The following ADAMTS5 variants were observed in gnomAD, a reference collection of about 807,000 sequenced individuals.
The protein encoded by ADAMTS5 is ADAM metallopeptidase with thrombospondin type 1 motif 5, also known as A disintegrin and metalloproteinase with thrombospondin motifs 5.
In ADAMTS5, 54 loss-of-function variants were observed where a neutral mutation model predicts 81.4. That is an observed-to-expected ratio of 0.66 (90% confidence interval 0.53 to 0.83). The LOEUF (loss-of-function observed/expected upper bound fraction) is 0.83. Ranked by LOEUF, ADAMTS5 falls within the 40% of genes least tolerant of loss-of-function variation. The pLI, the probability that ADAMTS5 is intolerant of heterozygous loss-of-function variation, is 0.00. For synonymous variants in ADAMTS5, 532 were observed against 508.8 expected, an observed-to-expected ratio of 1.05 and a Z score of -0.61; for missense variants, 1,194 against 1,229.9, an observed-to-expected ratio of 0.97 and a Z score of 0.44.
In ADAMTS5 at chr21:26,943,430, C is replaced by CAGGG; in HGVS notation, c.1351_1354dup (p.Trp452SerfsTer16). 1 of 1,613,554 alleles carries CAGGG rather than the reference C, an allele frequency of 6.2e-7. No individual in the cohort carries two copies. Among genetic ancestry groups the CAGGG allele is most frequent in the Non-Finnish European group, 8.5e-7 (1 of 1,179,720 alleles). On this transcript the variant is annotated frameshift_variant, in exon 3 of 8. Transcript: ENST00000284987. LOFTEE classifies it high-confidence loss of function. ...GATGGTGGCTGAAGTGCATTTGGAC[C>CAGGG]AGGGCTTAGATGCATCAATGCTGGT...
At chr21:26,962,554 A>C (rs1987549142) in intron 1 of ADAMTS5, among the ~76,000 whole-genome samples, 1 of 152,244 alleles carries the variant, frequency 6.6e-6, no homozygotes, top group South Asian at 2.1e-4. Flanking sequence ...TCAGCTAGTA[A>C]ACAGAGGTAG....
intron 3 of ADAMTS5, among the ~76,000 whole-genome samples, chr21:26,940,114 A>C (rs1987085643): frequency 6.6e-6 from 1 of 152,222 alleles, no homozygotes; most frequent in Admixed American, 6.5e-5. Flanking sequence ...CTTATGGCTA[A>C]TAATTTTAAA....
rs1987641760 is a variant in ADAMTS5 at position 26,965,826 on chromosome 21, A to G, written c.566T>C (p.Ile189Thr). The stretch of plus-strand genomic sequence containing the variant: ...GCCCTCGCGGGTGTAGACGTGCAGG[A>G]TCCGTGCGGACCCATCCCCGTACAC... ...GRVYGDGSAR[I>T]LHVYTREGFS... Residue 189 changes from isoleucine (I) to threonine (T), a missense_variant, in exon 1 of 8, where the codon ATC becomes ACC. Ile to Thr is a moderately conservative substitution (Grantham distance 89). Around this residue, in one of 2 missense-constraint regions of ADAMTS5, gnomAD observed 498 missense variants for 412.3 expected, o/e 1.21. Coordinates refer to ENST00000284987, the MANE Select transcript of ADAMTS5 (RefSeq NM_007038.5). The G allele has an allele frequency of 1.2e-6, 2 of 1,610,812 alleles. No homozygotes were observed. Among genetic ancestry groups the G allele is most frequent in the African/African-American group, 2.7e-5 (2 of 74,876 alleles).
chr21:26,956,442 C>A (rs1218010868), intron 1 of ADAMTS5, among the ~76,000 whole-genome samples: 1 of 152,156 alleles, frequency 6.6e-6, no homozygotes. Context: ...CCCATGTCAT[C>A]CCATGGGATG....
At chr21:26,943,608 G>T in intron 2 of ADAMTS5, 61 bp from the exon 3 acceptor site, 1 of 1,499,786 alleles carries the variant, frequency 6.7e-7, no homozygotes, top group South Asian at 1.3e-5. Context: ...ATCTTTCCAT[G>T]ACAATTATGC....
chr21:26,932,946 G>A lies in ADAMTS5; in HGVS notation c.1788C>T (p.Asn596=). The change falls in exon 5 of 8, where the codon AAC becomes AAT. Residue 596 remains asparagine (N), a synonymous_variant. Coordinates refer to ENST00000284987, the MANE Select transcript of ADAMTS5 (RefSeq NM_007038.5). ...AGCGTCCGTTGTTTCTGGGAGCAGG[G>A]TTATTACAGTGACGATAGGCAAACT... ...GVQFAYRHCN[N]PAPRNNGRYC... The A allele has an allele frequency of 1.2e-6, 2 of 1,614,074 alleles. No homozygotes were observed. Among genetic ancestry groups the A allele is most frequent in the South Asian group, 1.1e-5 (1 of 91,064 alleles).
rs1987634797 is a variant in ADAMTS5 at position 26,965,684 on chromosome 21, C to A, written c.708G>T (p.Ser236=). The A allele has an allele frequency of 6.3e-7, 1 of 1,584,670 alleles. No homozygotes were observed. The highest frequency in any genetic ancestry group is 8.6e-7 in the Non-Finnish European group (1 of 1,167,972). The change falls in exon 1 of 8, where the codon TCG becomes TCT. Residue 236 remains serine, a synonymous_variant. Transcript: ENST00000284987. Reference sequence around the variant, plus strand: ...AGAGAGCGGACTGGTCCAAGAGCTGCGAGGCCAGTGCTGCGCGTCCGCTCG... The same window carrying A: ...AGAGAGCGGACTGGTCCAAGAGCTGAGAGGCCAGTGCTGCGCGTCCGCTCG... ...SNPSGRAALA[S]QLLDQSALSP... is the part of the protein sequence containing the mutation.
intron 1 of ADAMTS5, among the ~76,000 whole-genome samples, chr21:26,955,979 C>T (rs1987419039): frequency 6.6e-6 from 1 of 152,092 alleles, no homozygotes; most frequent in African/African-American, 2.4e-5. Context: ...GTATGCCCAA[C>T]TTCCATATTC....
rs141666253 is a variant in ADAMTS5, at chr21:26,946,580, G to T, written c.1238-3033C>A. 1.8e-4 allele frequency among the ~76,000 whole-genome samples: 27 copies of T among 152,274 alleles called. No individual in the cohort carries two copies. The East Asian group carries it at 5.0e-3, about 28-fold the overall frequency. ...ATTCACAGAGATGTTTAAAATGAAT[G>T]GTGTGGTTTGGAGATTAAGCATTTC... On this transcript the variant is annotated intron_variant, in intron 2 of 7. Coordinates refer to ENST00000284987, the MANE Select transcript of ADAMTS5 (RefSeq NM_007038.5).
chr21:26,923,489 T>G lies in ADAMTS5; in HGVS notation c.*564A>C, dbSNP rs1568836366. The G allele has an allele frequency of 6.5e-6, 1 of 152,740 alleles. No homozygotes were observed. The highest frequency in any genetic ancestry group is 6.5e-5 in the Admixed American group (1 of 15,280). 9.5% of individuals were successfully genotyped at this position (152,740 alleles called of 1,614,324 possible). On this transcript the variant is annotated 3_prime_UTR_variant, in exon 8 of 8. Coordinates refer to ENST00000284987, the MANE Select transcript of ADAMTS5 (RefSeq NM_007038.5). ...AGTCAGAAAATATACTACATCTTAT[T>G]AAAACAGCAGCAAGTTCTTAATTTC...
rs114045133 is a variant in ADAMTS5 at position 26,959,624 on chromosome 21, G to A, written c.1105-4753C>T. On this transcript the variant is annotated intron_variant, in intron 1 of 7. Coordinates refer to ENST00000284987, the MANE Select transcript of ADAMTS5 (RefSeq NM_007038.5). ...AATATCCTGGTTTTCTCTCTATGCTGTGTTGGAAAAACTAGATAATTTAGA... is the reference window on the plus strand; with the variant it reads ...AATATCCTGGTTTTCTCTCTATGCTATGTTGGAAAAACTAGATAATTTAGA... 3.2e-3 allele frequency among the ~76,000 whole-genome samples: 485 copies of A among 152,198 alleles called. 2 individuals carry two copies. Among genetic ancestry groups the A allele is most frequent in the African/African-American group, 0.01 (425 of 41,516 alleles).
intron 2 of ADAMTS5, among the ~76,000 whole-genome samples, chr21:26,949,828 GT>G (rs1987285340): frequency 6.6e-6 from 1 of 152,192 alleles, no homozygotes; most frequent in African/African-American, 2.4e-5. Context: ...AAAATATCAA[GT>G]TTAATCCTAG....
intron 2 of ADAMTS5, among the ~76,000 whole-genome samples, chr21:26,949,136 G>GATATATAT (rs35477486): frequency 1.4e-4 from 20 of 145,212 alleles, no homozygotes; most frequent in African/African-American, 2.5e-4. Flanking sequence ...AGTAATCAGT[G>GATATATAT]ATATATATAT....
chr21:26,962,034 A>T (rs1947399130), intron 1 of ADAMTS5, among the ~76,000 whole-genome samples: 1 of 152,220 alleles, frequency 6.6e-6, no homozygotes, highest in African/African-American at 2.4e-5. Flanking sequence ...ATAGTTAATG[A>T]AAGGGAATTA....
intron 3 of ADAMTS5, among the ~76,000 whole-genome samples, chr21:26,936,308 C>T (rs1018740308): frequency 6.6e-6 from 1 of 152,164 alleles, no homozygotes; most frequent in Admixed American, 6.5e-5. Context: ...CTGCATAATG[C>T]TTCTCTTCTC....
At chr21:26,953,801 A>G (rs1012996430) in intron 2 of ADAMTS5, among the ~76,000 whole-genome samples, 2 of 152,088 alleles carry the variant, frequency 1.3e-5, no homozygotes, top group Non-Finnish European at 2.9e-5. Context: ...GATATAAATA[A>G]CATCTACTAT....
Position 26,924,312 on chromosome 21 carries a change from A to T in ADAMTS5, c.2534T>A (p.Val845Asp). The part of the protein sequence containing the change: ...LATDPTKPLD[V>D]RYSFFVPKKS... ...CTTGGGAACAAAAAAGCTATAACGGACATCTAATGGTTTAGTGGGGTCTGT... is the reference window on the plus strand; with the variant it reads ...CTTGGGAACAAAAAAGCTATAACGGTCATCTAATGGTTTAGTGGGGTCTGT... Residue 845 changes from valine (V) to aspartate (D), a missense_variant, in exon 8 of 8, where the codon GTC (valine) becomes GAC (aspartate). By Grantham distance (152) the Val-to-Asp change is radical. This residue lies in a region of ADAMTS5 where 696 missense variants were observed against 817.6 expected (regional missense o/e 0.85). Transcript: ENST00000284987. The T allele has an allele frequency of 1.2e-6, 2 of 1,614,254 alleles. No homozygotes were observed. Among genetic ancestry groups the T allele is most frequent in the Non-Finnish European group, 1.7e-6 (2 of 1,180,050 alleles).
chr21:26,921,773 T>G lies in ADAMTS5; in HGVS notation c.*2280A>C, dbSNP rs892367408. The G allele has an allele frequency of 6.6e-6, 1 of 152,506 alleles. No individual in the cohort carries two copies. Among genetic ancestry groups the G allele is most frequent in the African/African-American group, 2.4e-5 (1 of 41,442 alleles). The allele number at this position is 152,506 out of a possible 1,614,324, so 9.4% of individuals were successfully genotyped here. ...ATAGTGGTTTAATTGCTCTGAGCTC[T>G]CTAGGATTGTTTCCATGACAGGTGT... On this transcript the variant is annotated 3_prime_UTR_variant, in exon 8 of 8. Transcript: ENST00000284987.
intron 4 of ADAMTS5, 122 bp downstream of exon 4, chr21:26,934,344 C>G (rs1296643657): frequency 6.1e-6 from 8 of 1,317,254 alleles, no homozygotes; most frequent in South Asian, 1.5e-5. Flanking sequence ...CTAAATAAAC[C>G]TCAAAATGAA....
Sources: gnomAD v4.1 joint callset for allele counts (sites outside exome capture counted in the v4.1 genomes callset) on GRCh38, gnomAD v4.1.1 for gene constraint, gnomAD v4.1.1 regional missense constraint, MANE v1.5 for transcripts, NCBI Gene and HGNC (gene_info 2026-07-23, HGNC 2026-07-21) for gene names.